The following SLC13A5 variants were observed in gnomAD, a reference collection of about 807,000 sequenced individuals.
SLC13A5 encodes the protein solute carrier family 13 member 5.
A neutral mutation model predicts 56.5 loss-of-function variants in SLC13A5; 25 were observed. The ratio of observed to expected loss-of-function variants is 0.44; its 90% CI spans 0.32 to 0.62. The LOEUF (loss-of-function observed/expected upper bound fraction) is 0.62, where lower values mean the gene tolerates loss of function less well. SLC13A5 is among the 20% of genes least tolerant of loss of function. The probability of loss-of-function intolerance (pLI) is 0.04; values close to 1 mark genes in which losing one functional copy is unlikely to be tolerated. For synonymous variants in SLC13A5, 307 were observed against 301.5 expected (o/e 1.02, Z -0.19); for missense variants, 649 against 737.8 (o/e 0.88, Z 1.39).
rs1174411786 is a variant in SLC13A5, at chr17:6,686,350, A to T, written c.1576-12T>A. 6.2e-7 allele frequency: 1 copy of T among 1,613,814 alleles called. No individual in the cohort carries two copies. The highest frequency in any genetic ancestry group is 8.5e-7 in the Non-Finnish European group (1 of 1,179,928). On this transcript the variant is annotated splice_polypyrimidine_tract_variant and intron_variant, in intron 11 of 11. Coordinates refer to ENST00000433363, the MANE Select transcript of SLC13A5 (RefSeq NM_177550.5). ...ACTCCTGTTTTCACCTGGAAAAGAGACAGAGTCAGCACCCTGAGGCCTGCT... is the reference window on the plus strand; with the variant it reads ...ACTCCTGTTTTCACCTGGAAAAGAGTCAGAGTCAGCACCCTGAGGCCTGCT...
Position 6,706,782 on chromosome 17 carries a change from G to A in SLC13A5, c.232-4C>T, listed in dbSNP as rs777081899. ...CCTTCATGTACTGGACACACACCTG[G>A]AGCGTGGCACGAAGGCCTCATCAGG... is the stretch of plus-strand genomic sequence containing the variant. On this transcript the variant is annotated splice_region_variant and splice_polypyrimidine_tract_variant and intron_variant, in intron 2 of 11. Coordinates refer to ENST00000433363, the MANE Select transcript of SLC13A5 (RefSeq NM_177550.5). 4 of 1,613,850 alleles carry A rather than the reference G, an allele frequency of 2.5e-6. No homozygotes were observed. In the African/African-American group the frequency reaches 5.3e-5, roughly 22 times the overall value.
chr17:6,707,288 C>T, intron 1 of SLC13A5, 132 bp from the exon 2 acceptor site: 16 of 1,238,150 alleles, frequency 1.3e-5, no homozygotes, highest in Non-Finnish European at 1.8e-5. Flanking sequence ...TCAAAGTCAT[C>T]TTGTTCCCCA....
intron 10 of SLC13A5, chr17:6,689,566 G>C (rs572880909): frequency 6.6e-6 from 1 of 152,402 alleles, no homozygotes; most frequent in East Asian, 1.9e-4. Context: ...TGCTAGGAGA[G>C]AGGAGGCATC....
intron 10 of SLC13A5, chr17:6,689,906 A>G (rs894448656): frequency 6.6e-6 from 1 of 151,598 alleles, no homozygotes; most frequent in Non-Finnish European, 1.5e-5. Flanking sequence ...CCCTCATCTT[A>G]CTTGGCCATC....
In SLC13A5 at chr17:6,694,114, C is replaced by T. The variant is rs747458897; in HGVS notation, c.1139G>A (p.Arg380His). 14 of 1,612,324 alleles carry T rather than the reference C, an allele frequency of 8.7e-6. No homozygotes were observed. Among genetic ancestry groups the T allele is most frequent in the East Asian group, 2.2e-5 (1 of 44,854 alleles). The change falls in exon 8 of 12, where the codon CGC (arginine) becomes CAC (histidine). Residue 380 changes from arginine (R) to histidine (H), a missense_variant. Coordinates refer to ENST00000433363, the MANE Select transcript of SLC13A5 (RefSeq NM_177550.5). ...AGACTTACCTTCCTCAGTCTGGCTG[C>T]GGAAGTTAAACTTGGGCTTCTGTGA... The part of the protein sequence containing the change: ...VPSQKPKFNF[R>H]SQTEEERKTP...
chr17:6,701,225 C>A lies in SLC13A5; in HGVS notation c.717-99G>T. ...AGCAGCAGCTGGGCCCTGAGAGGCG[C>A]GCCTGTGTGGAGGCCACATCCTCCT... On this transcript the variant is annotated intron_variant, in intron 5 of 11. Transcript: ENST00000433363. The surrounding 1 kb of genome is among the most constrained non-coding windows in gnomAD (Gnocchi z 4.1). 6.6e-7 allele frequency: 1 copy of A among 1,523,908 alleles called. No individual in the cohort carries two copies. Among genetic ancestry groups the A allele is most frequent in the Non-Finnish European group, 8.9e-7 (1 of 1,128,114 alleles). The allele number at this position is 1,523,908 out of a possible 1,614,324, so 94.4% of individuals were successfully genotyped here.
chr17:6,697,689 G>T (rs1973598042), intron 6 of SLC13A5, among the ~76,000 whole-genome samples: 1 of 152,180 alleles, frequency 6.6e-6, no homozygotes, highest in African/African-American at 2.4e-5. Context: ...CTCTGCCCTG[G>T]CAGGGGTCCC....
Position 6,707,106 on chromosome 17 carries a change from T to C in SLC13A5, c.153A>G (p.Thr51=). ...AGGTGACAGCCAGAGGGATGACTTC[T>C]GTGCACCAGTAAATGGCCATGAGGA... ...VIILMAIYWC[T]EVIPLAVTSL... Residue 51 remains threonine, a synonymous_variant, in exon 2 of 12, where the codon ACA becomes ACG. Transcript: ENST00000433363. The C allele has an allele frequency of 6.2e-7, 1 of 1,614,090 alleles. No individual in the cohort carries two copies. Among genetic ancestry groups the C allele is most frequent in the Non-Finnish European group, 8.5e-7 (1 of 1,180,026 alleles).
In SLC13A5 at chr17:6,706,691, T is replaced by G; in HGVS notation, c.319A>C (p.Lys107Gln). Residue 107 changes from lysine to glutamine, a missense_variant, in exon 3 of 12, where the codon AAG becomes CAG. Physicochemically the swap from Lys to Gln is moderately conservative, Grantham distance 53. Transcript: ENST00000433363. ...AVAVERWNLH[K>Q]RIALRTLLWV... The stretch of plus-strand genomic sequence containing the variant: ...AGGAGCGTGCGCAGGGCGATCCTCT[T>G]GTGCAGGTTCCAGCGCTCCACAGCC... The G allele has an allele frequency of 6.2e-7, 1 of 1,613,928 alleles. No individual in the cohort carries two copies.
At chr17:6,690,356 C>G (rs1416172352) in intron 10 of SLC13A5, among the ~76,000 whole-genome samples, 1 of 152,144 alleles carries the variant, frequency 6.6e-6, no homozygotes, top group African/African-American at 2.4e-5. Context: ...TACCTACTCC[C>G]AAGTCCCCAC....
intron 3 of SLC13A5, 85 bp from the exon 4 acceptor site, chr17:6,704,141 C>T: frequency 1.4e-6 from 2 of 1,449,502 alleles, no homozygotes; most frequent in Non-Finnish European, 1.9e-6. Context: ...ACTGGGTCCA[C>T]CCCTGCAGGG....
In SLC13A5 at chr17:6,713,286, G is replaced by A. The variant is rs1162464041; in HGVS notation, c.48C>T (p.Ile16=). 1.2e-6 allele frequency: 2 copies of A among 1,613,952 alleles called. No homozygotes were observed. The highest frequency in any genetic ancestry group is 2.7e-5 in the African/African-American group (2 of 74,938). The stretch of plus-strand genomic sequence containing the variant: ...GCAGCAGGAGCGGGGTGACGAACAA[G>A]ATCACGAAGGACTTGAACTTGGAGA... ...SYVSKFKSFV[I]LFVTPLLLLP... The change falls in exon 1 of 12, where the codon ATC becomes ATT. Residue 16 remains isoleucine (I), a synonymous_variant. Coordinates refer to ENST00000433363, the MANE Select transcript of SLC13A5 (RefSeq NM_177550.5). The surrounding 1 kb of genome is among the most constrained non-coding windows in gnomAD (Gnocchi z 7.3).
At chr17:6,696,106 C>T (rs1973554387) in intron 6 of SLC13A5, among the ~76,000 whole-genome samples, 165 bp from the exon 7 acceptor site, 1 of 152,226 alleles carries the variant, frequency 6.6e-6, no homozygotes, top group Non-Finnish European at 1.5e-5. Flanking sequence ...CTTTCCCTCT[C>T]CTGTTCTTCC....
rs2150960942 is a variant in SLC13A5 at position 6,686,385 on chromosome 17, T to C, written c.1576-47A>G. 4 of 1,612,270 alleles carry C rather than the reference T, an allele frequency of 2.5e-6. No homozygotes were observed. In the South Asian group the frequency reaches 4.4e-5, roughly 18 times the overall value. The stretch of plus-strand genomic sequence containing the variant: ...CACCCTGAGGCCTGCTGGGGACTAG[T>C]GCTCTCAGAGAGGAGGACAAAGGGT... On this transcript the variant is annotated intron_variant, in intron 11 of 11. Transcript: ENST00000433363.
intron 1 of SLC13A5, among the ~76,000 whole-genome samples, chr17:6,708,774 C>A (rs762499770): frequency 3.4e-4 from 52 of 152,276 alleles, no homozygotes; most frequent in Admixed American, 7.2e-4. Context: ...AGATGCCATC[C>A]CATTGCAGAA....
intron 2 of SLC13A5, 106 bp from the exon 3 acceptor site, chr17:6,706,884 G>A: frequency 6.4e-7 from 1 of 1,563,252 alleles, no homozygotes; most frequent in Non-Finnish European, 8.7e-7. Flanking sequence ...GGGGATGCAG[G>A]CTCGAGTGGT....
At position 6,704,095 on chromosome 17, in the gene SLC13A5, C is replaced by T. The variant is rs772625786; in HGVS notation, c.369-39G>A. ...GCAGGGAGGAAAGCCAGAGAATCCC[C>T]ACCCCACCCCCGTACTCCCTGGGAA... On this transcript the variant is annotated intron_variant, in intron 3 of 11. Coordinates refer to ENST00000433363, the MANE Select transcript of SLC13A5 (RefSeq NM_177550.5). The T allele has an allele frequency of 5.1e-6, 8 of 1,581,712 alleles. No individual in the cohort carries two copies. In the South Asian group the frequency reaches 9.1e-5, roughly 18 times the overall value.
At chr17:6,699,446 T>C (rs1973651522) in intron 6 of SLC13A5, among the ~76,000 whole-genome samples, 1 of 152,154 alleles carries the variant, frequency 6.6e-6, no homozygotes, top group Non-Finnish European at 1.5e-5. Context: ...CTATCATTAT[T>C]ATGATTGTTT....
chr17:6,685,501 A>G lies in SLC13A5; in HGVS notation c.*706T>C, dbSNP rs1388394385. The G allele has an allele frequency of 1.3e-5, 2 of 152,478 alleles. No individual in the cohort carries two copies. Among genetic ancestry groups the G allele is most frequent in the Non-Finnish European group, 2.9e-5 (2 of 68,234 alleles). 9.4% of individuals were successfully genotyped at this position (152,478 alleles called of 1,614,324 possible). A position where few individuals can be genotyped will look rare whatever the true frequency, so the allele number is the denominator to read the frequency against. On this transcript the variant is annotated 3_prime_UTR_variant, in exon 12 of 12. Transcript: ENST00000433363. This position sits in a 1 kb window ranked among gnomAD's most constrained non-coding sequence, Gnocchi z 4.2. ...GAGAGGTGGGACAGGGGGCCAGTCG[A>G]TTAAAACAGAACCAAGTGATGAAGG...
Sources: allele counts gnomAD v4.1 joint callset (sites outside exome capture counted in the v4.1 genomes callset), GRCh38; gene constraint gnomAD v4.1.1; non-coding constraint Gnocchi (gnomAD v3.1); transcripts MANE v1.5; gene names NCBI Gene and HGNC (gene_info 2026-07-23, HGNC 2026-07-21).